RYR2: variants seen among roughly 807,000 people sequenced by gnomAD.
The protein encoded by RYR2 is ryanodine receptor 2, also known as cardiac muscle ryanodine receptor-calcium release channel.
A neutral mutation model predicts 601.1 loss-of-function variants in RYR2; 227 were observed. That is an observed-to-expected ratio of 0.38 (90% CI 0.34 to 0.42). RYR2 has a LOEUF of 0.42. Ranked by LOEUF, RYR2 falls within the 10% of genes least tolerant of loss-of-function variation. The pLI is 1.00. For synonymous variants in RYR2, 2,223 were observed against 2,175.1 expected (o/e 1.02, Z -0.61); for missense variants, 4,646 against 6,156.5 (o/e 0.75, Z 8.21).
At chr1:237,266,853 T>C (rs1409591495) in intron 1 of RYR2, among the ~76,000 whole-genome samples, 3 of 152,078 alleles carry the variant, frequency 2.0e-5, no homozygotes, top group East Asian at 1.9e-4. Flanking sequence ...CTTGGTAGTA[T>C]AGCAGAGCTC....
chr1:237,365,618 C>G (rs1380173724), intron 5 of RYR2, among the ~76,000 whole-genome samples: 1 of 152,204 alleles, frequency 6.6e-6, no homozygotes, highest in Non-Finnish European at 1.5e-5. Flanking sequence ...TTTAAAACAA[C>G]AGCAAAATAG....
At chr1:237,478,593 A>G (rs1661671048) in intron 17 of RYR2, among the ~76,000 whole-genome samples, 1 of 152,230 alleles carries the variant, frequency 6.6e-6, no homozygotes. Context: ...TAATAATAGC[A>G]AAGGCTGATA....
chr1:237,638,034 C>T (rs921133533), intron 44 of RYR2, among the ~76,000 whole-genome samples: 10 of 150,510 alleles, frequency 6.6e-5, no homozygotes, highest in Admixed American at 5.3e-4. Context: ...GGTTCTAGTC[C>T]GTGAGTCTTG....
chr1:237,329,095 T>C (rs1412964252), intron 2 of RYR2, among the ~76,000 whole-genome samples: 1 of 152,232 alleles, frequency 6.6e-6, no homozygotes, highest in East Asian at 1.9e-4. Context: ...TTATGATTTA[T>C]TGGAAAACAT....
chr1:237,821,536 C>T (rs1662496087), intron 101 of RYR2, among the ~76,000 whole-genome samples: 1 of 152,044 alleles, frequency 6.6e-6, no homozygotes, highest in Admixed American at 6.6e-5. Flanking sequence ...ATATCAAAGA[C>T]TAAAGGTAGA....
At chr1:237,763,018 A>G (rs899297056) in intron 84 of RYR2, among the ~76,000 whole-genome samples, 2 of 152,126 alleles carry the variant, frequency 1.3e-5, no homozygotes, top group Non-Finnish European at 2.9e-5. Flanking sequence ...TTTTTGTTGT[A>G]GACTGTTTTA....
intron 1 of RYR2, among the ~76,000 whole-genome samples, chr1:237,087,092 C>G (rs970280693): frequency 6.6e-6 from 1 of 152,134 alleles, no homozygotes; most frequent in Admixed American, 6.5e-5. Context: ...CAGGAGGACC[C>G]CTTTCACAGT....
intron 2 of RYR2, among the ~76,000 whole-genome samples, chr1:237,271,832 T>C (rs556538162): frequency 6.6e-6 from 1 of 152,206 alleles, no homozygotes; most frequent in South Asian, 2.1e-4. Flanking sequence ...GGTGGGCCAA[T>C]GTGAAAACAG....
chr1:237,086,946 TG>T (rs1666401041), intron 1 of RYR2, among the ~76,000 whole-genome samples: 1 of 152,184 alleles, frequency 6.6e-6, no homozygotes, highest in Non-Finnish European at 1.5e-5. Context: ...TATTTGAGTA[TG>T]TATATGTCTG....
At chr1:237,104,293 G>A (rs1668435988) in intron 1 of RYR2, among the ~76,000 whole-genome samples, 1 of 152,126 alleles carries the variant, frequency 6.6e-6, no homozygotes, top group South Asian at 2.1e-4. Flanking sequence ...CAAGGCTCCA[G>A]CTGTCCCTTT....
At chr1:237,100,951 T>C (rs1408563954) in intron 1 of RYR2, among the ~76,000 whole-genome samples, 1 of 152,008 alleles carries the variant, frequency 6.6e-6, no homozygotes, top group Non-Finnish European at 1.5e-5. Context: ...CTGCTTGGTT[T>C]GTCACCATGT....
At chr1:237,181,413 G>A (rs1678745132) in intron 1 of RYR2, among the ~76,000 whole-genome samples, 1 of 152,130 alleles carries the variant, frequency 6.6e-6, no homozygotes, top group East Asian at 1.9e-4. Flanking sequence ...TTGGTGAGTG[G>A]CGGAGTCAGG....
chr1:237,178,416 CTGTGTGTGTGTGTGTGTGTG>C (rs201867544), intron 1 of RYR2, among the ~76,000 whole-genome samples: 1,527 of 129,788 alleles, frequency 0.012, 20 homozygotes, highest in African/African-American at 0.028. Context: ...AGTTAAGGCT[CTGTGTGTGTGTGTGTGTGTG>C]TGTGTGTGTG....
intron 10 of RYR2, among the ~76,000 whole-genome samples, chr1:237,403,103 C>T (rs752687770): frequency 2.0e-5 from 3 of 152,018 alleles, no homozygotes; most frequent in African/African-American, 4.8e-5. Flanking sequence ...CTCACAGGTG[C>T]GTGGAGTAAA....
chr1:237,105,976 C>T (rs1363424950), intron 1 of RYR2, among the ~76,000 whole-genome samples: 2 of 152,050 alleles, frequency 1.3e-5, no homozygotes, highest in African/African-American at 4.8e-5. Context: ...CAGCCAGTGC[C>T]AGCACCAACG....
chr1:237,193,022 TA>T (rs1451702966), intron 1 of RYR2, among the ~76,000 whole-genome samples: 2 of 151,866 alleles, frequency 1.3e-5, no homozygotes, highest in African/African-American at 4.8e-5. Flanking sequence ...TCTCTGCCTT[TA>T]AAAAATATCT....
At chr1:237,243,081 T>A (rs1033804662) in intron 1 of RYR2, among the ~76,000 whole-genome samples, 2 of 151,832 alleles carry the variant, frequency 1.3e-5, no homozygotes, top group Non-Finnish European at 2.9e-5. Context: ...ACTCTCCAAC[T>A]GCTATTTTCC....
chr1:237,509,834 T>G (rs1400994329), intron 23 of RYR2, among the ~76,000 whole-genome samples: 2 of 152,084 alleles, frequency 1.3e-5, no homozygotes, highest in Non-Finnish European at 2.9e-5. Flanking sequence ...TAGCTGGCAA[T>G]CAGAAAGCAT....
intron 11 of RYR2, among the ~76,000 whole-genome samples, chr1:237,422,848 G>T (rs559094918): frequency 6.6e-6 from 1 of 152,288 alleles, no homozygotes; most frequent in South Asian, 2.1e-4. Flanking sequence ...CGGCATTTAA[G>T]TCAGAACACC....
Sources: gnomAD v4.1 joint callset for allele counts (sites outside exome capture counted in the v4.1 genomes callset) on GRCh38, gnomAD v4.1.1 for gene constraint, MANE v1.5 for transcripts, NCBI Gene and HGNC (gene_info 2026-07-23, HGNC 2026-07-21) for gene names.